The following AFF1 variants were observed in gnomAD, a reference collection of about 807,000 sequenced individuals.
The protein encoded by AFF1 is AF4/FMR2 family member 1.
A neutral mutation model predicts 121.7 loss-of-function variants in AFF1; 48 were observed. The observed-to-expected ratio is 0.39, with a 90% CI of 0.31 to 0.50. The LOEUF is 0.50. Ranked by LOEUF, AFF1 falls within the 20% of genes least tolerant of loss-of-function variation. The pLI is 0.76. For synonymous variants in AFF1, 613 were observed against 563.0 expected (o/e 1.09, Z -1.26); for missense variants, 1,523 against 1,511.7 (o/e 1.01, Z -0.12).
At chr4:87,087,774 G>A (rs1376031211) in intron 5 of AFF1, among the ~76,000 whole-genome samples, 1 of 152,208 alleles carries the variant, frequency 6.6e-6, no homozygotes, top group Non-Finnish European at 1.5e-5. Flanking sequence ...TAGGCATTTG[G>A]TGACTAAAAG....
chr4:87,122,296 G>A (rs183785773), intron 12 of AFF1, among the ~76,000 whole-genome samples: 1 of 152,326 alleles, frequency 6.6e-6, no homozygotes, highest in African/African-American at 2.4e-5. Flanking sequence ...TGATTGACAA[G>A]AGAGTTACCA....
chr4:86,940,828 C>A (rs1277112184), intron 1 of AFF1, among the ~76,000 whole-genome samples: 1 of 151,448 alleles, frequency 6.6e-6, no homozygotes, highest in Non-Finnish European at 1.5e-5. Flanking sequence ...TGGCTCATGC[C>A]TCTAATTCTA....
intron 5 of AFF1, 54 bp from the exon 6 acceptor site, chr4:87,089,930 A>G (rs1421605089): frequency 3.0e-6 from 4 of 1,325,292 alleles, no homozygotes; most frequent in Non-Finnish European, 4.3e-6. Flanking sequence ...TTAAGTAGCA[A>G]TGAATGTTCT....
intron 2 of AFF1, among the ~76,000 whole-genome samples, chr4:87,007,888 T>C (rs1726328238): frequency 6.6e-6 from 1 of 152,176 alleles, no homozygotes; most frequent in Non-Finnish European, 1.5e-5. Flanking sequence ...AAAATTTTAC[T>C]GCTAGAATGT....
At chr4:86,973,179 A>T (rs894775529) in intron 2 of AFF1, among the ~76,000 whole-genome samples, 4 of 152,080 alleles carry the variant, frequency 2.6e-5, no homozygotes, top group African/African-American at 9.7e-5. Flanking sequence ...AGATTATTTC[A>T]CTTGGGGCCT....
chr4:87,040,532 C>G (rs901016722), intron 2 of AFF1, among the ~76,000 whole-genome samples: 9 of 150,724 alleles, frequency 6.0e-5, no homozygotes, highest in Non-Finnish European at 8.8e-5. Context: ...ATGTTCAGGT[C>G]TACCATTTGT....
At chr4:87,116,922 A>T (rs1727186562) in intron 12 of AFF1, among the ~76,000 whole-genome samples, 1 of 152,122 alleles carries the variant, frequency 6.6e-6, no homozygotes, top group African/African-American at 2.4e-5. Flanking sequence ...CCTGCAGCTG[A>T]TACACCTGGG....
intron 4 of AFF1, among the ~76,000 whole-genome samples, chr4:87,062,634 ACTTATTTTTATAGCC>A (rs989429362): frequency 1.3e-5 from 2 of 152,182 alleles, no homozygotes; most frequent in African/African-American, 4.8e-5. Context: ...ATTTTAAATT[ACTTATTTTTATAGCC>A]AGTAATAGGA....
intron 2 of AFF1, among the ~76,000 whole-genome samples, chr4:86,980,418 G>A (rs546771172): frequency 4.3e-4 from 66 of 152,240 alleles, no homozygotes; most frequent in African/African-American, 1.4e-3. Flanking sequence ...GTTTGAGGCC[G>A]CAGTGTGCTG....
At chr4:87,108,876 CAG>C (rs1726191755) in intron 11 of AFF1, among the ~76,000 whole-genome samples, 1 of 152,154 alleles carries the variant, frequency 6.6e-6, no homozygotes, top group African/African-American at 2.4e-5. Flanking sequence ...CCATGTAAAA[CAG>C]GGACGATGGT....
In AFF1 at chr4:87,127,176, A is replaced by T. The variant is rs112453934; in HGVS notation, c.2903+59A>T. On this transcript the variant is annotated intron_variant, in intron 15 of 20. Coordinates refer to ENST00000395146, the MANE Select transcript of AFF1 (RefSeq NM_001166693.3). The stretch of plus-strand genomic sequence containing the variant: ...TTGTTTTGTTTTGCTTCCCCCCCCC[A>T]CCAAGATAGAGTCTCACTCTGTCAC... 4.0e-5 allele frequency: 36 copies of T among 907,876 alleles called. 4 individuals carry two copies. Among genetic ancestry groups the T allele is most frequent in the Admixed American group, 4.8e-5 (2 of 41,310 alleles). 56.2% of individuals were successfully genotyped at this position (907,876 alleles called of 1,614,324 possible).
At chr4:87,053,399 T>C (rs1001034246) in intron 4 of AFF1, among the ~76,000 whole-genome samples, 5 of 152,222 alleles carry the variant, frequency 3.3e-5, no homozygotes, top group African/African-American at 4.8e-5. Context: ...ACTACCAGCC[T>C]AACAACTGCA....
At chr4:86,955,335 A>C (rs1207154323) in intron 2 of AFF1, among the ~76,000 whole-genome samples, 1 of 152,230 alleles carries the variant, frequency 6.6e-6, no homozygotes, top group Non-Finnish European at 1.5e-5. Flanking sequence ...TAACTGAATA[A>C]ATTGTTCAAA....
intron 2 of AFF1, among the ~76,000 whole-genome samples, chr4:87,019,703 A>G (rs1727687886): frequency 6.6e-6 from 1 of 152,182 alleles, no homozygotes; most frequent in African/African-American, 2.4e-5. Flanking sequence ...CTCACCTTAC[A>G]CATCTCTTCA....
chr4:86,952,658 TAAAAAAAA>T (rs967097199), intron 2 of AFF1, among the ~76,000 whole-genome samples: 1 of 138,048 alleles, frequency 7.2e-6, no homozygotes, highest in South Asian at 2.2e-4. Context: ...GGACTTAAAG[TAAAAAAAA>T]ACAAAAAAAC....
chr4:87,092,572 A>G (rs1282312363), intron 7 of AFF1, among the ~76,000 whole-genome samples: 1 of 152,054 alleles, frequency 6.6e-6, no homozygotes, highest in Non-Finnish European at 1.5e-5. Flanking sequence ...CCCTGCAGCT[A>G]GTTTTTGTAA....
chr4:86,940,755 A>T (rs529827949), intron 1 of AFF1, among the ~76,000 whole-genome samples: 6 of 151,954 alleles, frequency 3.9e-5, no homozygotes, highest in Non-Finnish European at 5.9e-5. Context: ...GGGAGATTTT[A>T]TCTTTTTTTT....
At chr4:87,015,903 G>T (rs1178688279) in intron 2 of AFF1, among the ~76,000 whole-genome samples, 1 of 152,146 alleles carries the variant, frequency 6.6e-6, no homozygotes, top group South Asian at 2.1e-4. Context: ...TGAAGAAGTC[G>T]GGCGTGGTCG....
At chr4:87,015,945 C>G (rs908548264) in intron 2 of AFF1, among the ~76,000 whole-genome samples, 1 of 152,200 alleles carries the variant, frequency 6.6e-6, no homozygotes, top group Non-Finnish European at 1.5e-5. Flanking sequence ...CTCTGGGAGG[C>G]CCAGGCAGGC....
Sources: gnomAD v4.1 joint callset for allele counts (sites outside exome capture counted in the v4.1 genomes callset) on GRCh38, gnomAD v4.1.1 for gene constraint, MANE v1.5 for transcripts, NCBI Gene and HGNC (gene_info 2026-07-23, HGNC 2026-07-21) for gene names.